Variants in IFI6 observed in about 807,000 individuals in gnomAD.
IFI6 encodes interferon alpha-inducible protein 6.
A neutral mutation model predicts 12.7 loss-of-function variants in IFI6; 10 were observed. That is an observed-to-expected ratio of 0.79 (90% confidence interval 0.49 to 1.33). The LOEUF is 1.33. Among genes scored for constraint, IFI6 ranks in the 40% most tolerant of loss-of-function variants. The pLI, the probability that IFI6 is intolerant of heterozygous loss-of-function variation, is 0.00. For missense variants in IFI6, 154 were observed against 180.4 expected (o/e 0.85, Z 0.84); for synonymous variants, 89 against 86.2 (o/e 1.03, Z -0.18).
Position 27,668,370 on chromosome 1 carries a change from C to A in IFI6, c.154G>T (p.Ala52Ser), listed in dbSNP as rs775646777. The A allele has an allele frequency of 3.8e-6, 6 of 1,568,264 alleles. No homozygotes were observed. In the South Asian group the frequency reaches 4.7e-5, roughly 12 times the overall value. ...LTFMAVGGGLAVAGLPALGFT... is the reference protein window; with the variant it reads ...LTFMAVGGGLSVAGLPALGFT... The stretch of plus-strand genomic sequence containing the variant: ...CCCAGCGCGGGCAGCCCGGCGACTG[C>A]GAGTCCTGGAGGAACAGGAGCAGGT... The change falls in exon 4 of 5, where the codon GCA becomes TCA. Residue 52 changes from alanine to serine, a missense_variant. Transcript: ENST00000361157.
At chr1:27,669,058 TCCTTACCTGCATCCTTAC>T (rs2090382136) in intron 2 of IFI6, among the ~76,000 whole-genome samples, 169 bp downstream of exon 2, 1 of 79,836 alleles carries the variant, frequency 1.3e-5, no homozygotes, top group African/African-American at 3.8e-5. Flanking sequence ...CTTACCCGCA[TCCTTACCTGCATCCTTAC>T]CCGCATCCTT....
At position 27,668,227 on chromosome 1, in the gene IFI6, G is replaced by A. The variant is rs779588447; in HGVS notation, c.297C>T (p.Leu99=). ...CAGGGGCCCAGGCCCCGCACTCACC[G>A]AGGCTCTGCAGCGTGGCCACTAGCC... ...AGGLVATLQS[L]GAGGSSVVIG... Residue 99 remains leucine, a splice_region_variant and synonymous_variant, in exon 4 of 5, where the codon CTC becomes CTT. Transcript: ENST00000361157. The A allele has an allele frequency of 2.6e-6, 4 of 1,540,174 alleles. No individual in the cohort carries two copies. The highest frequency in any genetic ancestry group is 2.0e-5 in the Admixed American group (1 of 49,374).
intron 1 of IFI6, chr1:27,669,834 C>T (rs560733553): frequency 6.5e-6 from 1 of 154,538 alleles, no homozygotes; most frequent in East Asian, 1.9e-4. Flanking sequence ...TTAAGACAAA[C>T]TCATTCTTAC....
chr1:27,671,562 A>G (rs1571436028), intron 1 of IFI6, among the ~76,000 whole-genome samples: 1 of 151,186 alleles, frequency 6.6e-6, no homozygotes, highest in Non-Finnish European at 1.5e-5. Context: ...TTTTTTTTGT[A>G]TTTTTAGTAG....
At chr1:27,669,185 T>G in intron 2 of IFI6, 60 bp downstream of exon 2, 1 of 1,478,708 alleles carries the variant, frequency 6.8e-7, no homozygotes, top group Non-Finnish European at 9.1e-7. Flanking sequence ...GCACCCTTAC[T>G]TGCATCCTTA....
Position 27,666,312 on chromosome 1 carries a change from A to AAAT in IFI6, c.*68_*69insATT. 7.8e-6 allele frequency: 6 copies of AAAT among 769,216 alleles called. No homozygotes were observed. The highest frequency in any genetic ancestry group is 1.2e-5 in the Non-Finnish European group (6 of 489,724). The allele number at this position is 769,216 out of a possible 1,614,324, so 47.6% of individuals were successfully genotyped here. A position where few individuals can be genotyped will look rare whatever the true frequency, so the allele number is the denominator to read the frequency against. ...CTCAAAAAAAAAAAAAAAAAAAAAA[A>AAAT]GGCAAAGTTCTAGATCCTAACTGGA... On this transcript the variant is annotated 3_prime_UTR_variant, in exon 5 of 5. Transcript: ENST00000361157.
In IFI6 at chr1:27,668,356, C is replaced by A; in HGVS notation, c.168G>T (p.Leu56=). ...AVGGGLAVAG[L]PALGFTGAGI... is the part of the protein sequence containing the mutation. ...CGGCGCCGGTGAAGCCCAGCGCGGG[C>A]AGCCCGGCGACTGCGAGTCCTGGAG... The change falls in exon 4 of 5, where the codon CTG becomes CTT. Residue 56 remains leucine (L), a synonymous_variant. Transcript: ENST00000361157. 6.4e-7 allele frequency: 1 copy of A among 1,567,912 alleles called. No homozygotes were observed. The highest frequency in any genetic ancestry group is 1.8e-5 in the Admixed American group (1 of 54,512).
chr1:27,669,512 C>A, intron 1 of IFI6, 166 bp from the exon 2 acceptor site: 1 of 572,530 alleles, frequency 1.7e-6, no homozygotes. Context: ...CTCTCCGCAT[C>A]AGTGGCAGAG....
At chr1:27,666,514 G>GCCAGACATTTGGATTC in intron 4 of IFI6, 39 bp from the exon 5 acceptor site, 1 of 1,456,488 alleles carries the variant, frequency 6.9e-7, no homozygotes, top group Non-Finnish European at 9.6e-7. Flanking sequence ...GGGCCCAAGT[G>GCCAGACATTTGGATTC]CCAGGCCTGG....
At chr1:27,668,682 C>G in intron 2 of IFI6, 147 bp from the exon 3 acceptor site, 1 of 644,032 alleles carries the variant, frequency 1.6e-6, no homozygotes, top group East Asian at 2.8e-5. Context: ...AGGGACTTTC[C>G]CCTAGGCGCC....
At position 27,668,314 on chromosome 1, in the gene IFI6, C is replaced by T. The variant is rs754493056; in HGVS notation, c.210G>A (p.Ser70=). ...GFTGAGIAAN[S]VAASLMSWSA... ...ACCAGCTCATCAGCGAGGCAGCCAC[C>T]GAGTTGGCCGCGATGCCGGCGCCGG... is the stretch of plus-strand genomic sequence containing the variant. Residue 70 remains serine (S), a synonymous_variant, in exon 4 of 5, where the codon TCG becomes TCA. Coordinates refer to ENST00000361157, the MANE Select transcript of IFI6 (RefSeq NM_002038.4). The T allele has an allele frequency of 3.3e-5, 52 of 1,575,704 alleles. No homozygotes were observed. Among genetic ancestry groups the T allele is most frequent in the Non-Finnish European group, 3.6e-5 (42 of 1,162,934 alleles).
intron 2 of IFI6, among the ~76,000 whole-genome samples, 179 bp downstream of exon 2, chr1:27,669,054 CGCATCCTTACCT>C (rs1557756282): frequency 9.9e-3 from 24 of 2,426 alleles, no homozygotes; most frequent in Admixed American, 0.032. Flanking sequence ...CATCCTTACC[CGCATCCTTACCT>C]GCATCCTTAC....
chr1:27,669,157 T>C, intron 2 of IFI6, 88 bp downstream of exon 2: 2 of 1,423,916 alleles, frequency 1.4e-6, no homozygotes, highest in Middle Eastern at 1.7e-4. Flanking sequence ...ACCTGCATCC[T>C]TACCCGCATC....
intron 4 of IFI6, 99 bp from the exon 5 acceptor site, chr1:27,666,574 G>T: frequency 2.5e-6 from 2 of 784,738 alleles, no homozygotes; most frequent in Non-Finnish European, 4.2e-6. Context: ...CTTATGTCTA[G>T]ATGGAGAAAC....
In IFI6 at chr1:27,668,210, C is replaced by T; in HGVS notation, c.298+16G>A. 6.8e-7 allele frequency: 1 copy of T among 1,475,882 alleles called. No individual in the cohort carries two copies. The highest frequency in any genetic ancestry group is 2.5e-5 in the East Asian group (1 of 40,144). The allele number at this position is 1,475,882 out of a possible 1,614,324, so 91.4% of individuals were successfully genotyped here. On this transcript the variant is annotated intron_variant, in intron 4 of 4. Coordinates refer to ENST00000361157, the MANE Select transcript of IFI6 (RefSeq NM_002038.4). ...AGTAAAGAACGTCCCACCAGGGGCC[C>T]AGGCCCCGCACTCACCGAGGCTCTG...
At chr1:27,667,255 A>T (rs2090359128) in intron 4 of IFI6, among the ~76,000 whole-genome samples, 1 of 150,278 alleles carries the variant, frequency 6.7e-6, no homozygotes, top group African/African-American at 2.4e-5. Flanking sequence ...AAAAAAAAAA[A>T]AAAAAAAAAA....
intron 2 of IFI6, among the ~76,000 whole-genome samples, chr1:27,668,824 A>G (rs762799289): frequency 3.3e-5 from 5 of 151,920 alleles, no homozygotes; most frequent in Non-Finnish European, 5.9e-5. Context: ...CAGGGTCTCT[A>G]CAGAAGCACG....
chr1:27,667,419 TC>T (rs1347333023), intron 4 of IFI6, among the ~76,000 whole-genome samples: 3 of 152,038 alleles, frequency 2.0e-5, no homozygotes, highest in Non-Finnish European at 4.4e-5. Context: ...TTGACCTTTA[TC>T]TATAATAAAT....
rs530767209 is a variant in IFI6 at position 27,669,235 on chromosome 1, G to T, written c.70+10C>A. Reference sequence around the variant, plus strand: ...TGTCCCCTTACCTGCATCCTTACCCGCATTCTCACCTGCCTCCACCCCACT... The same window carrying T: ...TGTCCCCTTACCTGCATCCTTACCCTCATTCTCACCTGCCTCCACCCCACT... On this transcript the variant is annotated intron_variant, in intron 2 of 4. Transcript: ENST00000361157. 1.3e-5 allele frequency: 20 copies of T among 1,551,414 alleles called. No individual in the cohort carries two copies. Among genetic ancestry groups the T allele is most frequent in the Non-Finnish European group, 1.7e-5 (19 of 1,146,890 alleles).
Sources: allele counts gnomAD v4.1 joint callset (sites outside exome capture counted in the v4.1 genomes callset), GRCh38; gene constraint gnomAD v4.1.1; transcripts MANE v1.5; gene names NCBI Gene and HGNC (gene_info 2026-07-23, HGNC 2026-07-21).